The following BRWD1 variants were observed in gnomAD, a reference collection of about 807,000 sequenced individuals.
BRWD1 encodes bromodomain and WD repeat-containing protein 1.
Under a neutral mutation model 251.2 loss-of-function variants are expected in BRWD1, and 82 were observed. The ratio of observed to expected loss-of-function variants is 0.33; its 90% CI spans 0.27 to 0.39. The LOEUF is 0.39. Ranked by LOEUF, BRWD1 falls within the 10% of genes least tolerant of loss-of-function variation. The probability of loss-of-function intolerance (pLI) is 1.00; values close to 1 mark genes in which losing one functional copy is unlikely to be tolerated. For synonymous variants in BRWD1, 918 were observed against 902.8 expected (o/e 1.02, Z -0.30); for missense variants, 2,233 against 2,711.6 (o/e 0.82, Z 3.92).
intron 21 of BRWD1, among the ~76,000 whole-genome samples, chr21:39,246,842 G>A (rs142350539): frequency 0.011 from 1,653 of 152,304 alleles, 23 homozygotes; most frequent in African/African-American, 0.037. Context: ...CAGCACTCTG[G>A]GAGGCCGAGG....
chr21:39,229,450 AT>A lies in BRWD1; in HGVS notation c.3001-15del, dbSNP rs752170615. 10 of 1,593,752 alleles carry A rather than the reference AT, an allele frequency of 6.3e-6. No homozygotes were observed. Among genetic ancestry groups the A allele is most frequent in the Non-Finnish European group, 8.6e-6 (10 of 1,163,984 alleles). ...CAATTCTTGATCCTTTAACAGACAT[AT>A]TTTTTAATGGTTAAAATAAAAGCAA... On this transcript the variant is annotated splice_polypyrimidine_tract_variant and intron_variant, in intron 25 of 40. Transcript: ENST00000342449.
At chr21:39,314,121 C>A, upstream of BRWD1, 2 of 455,986 alleles carry the variant, frequency 4.4e-6, no homozygotes, top group South Asian at 3.1e-5. Context: ...TGCGTCTTGC[C>A]CCGCACGGAA....
At chr21:39,295,489 G>A (rs761478921) in intron 7 of BRWD1, among the ~76,000 whole-genome samples, 7 of 149,154 alleles carry the variant, frequency 4.7e-5, no homozygotes, top group Non-Finnish European at 1.0e-4. Context: ...GCCCGGCCAG[G>A]TATGTCTATT....
chr21:39,211,818 TA>T (rs1212949527), intron 34 of BRWD1, among the ~76,000 whole-genome samples: 1 of 152,208 alleles, frequency 6.6e-6, no homozygotes, highest in Non-Finnish European at 1.5e-5. Context: ...GCACATGGTA[TA>T]AATTAATATT....
chr21:39,253,857 A>G (rs933985958), intron 19 of BRWD1, among the ~76,000 whole-genome samples: 8 of 152,252 alleles, frequency 5.3e-5, no homozygotes, highest in African/African-American at 1.4e-4. Flanking sequence ...TTCCATTTCA[A>G]TAACTCAAAT....
At chr21:39,250,515 A>G (rs1041366250) in intron 20 of BRWD1, among the ~76,000 whole-genome samples, 10 of 151,952 alleles carry the variant, frequency 6.6e-5, no homozygotes, top group South Asian at 2.1e-4. Flanking sequence ...TAAAAAAAAA[A>G]AAGAAGAACC....
intron 12 of BRWD1, among the ~76,000 whole-genome samples, chr21:39,275,961 G>A (rs2035267619): frequency 6.6e-6 from 1 of 152,086 alleles, no homozygotes; most frequent in African/African-American, 2.4e-5. Flanking sequence ...GAACCCAAGA[G>A]GTGGAGGTTG....
chr21:39,312,991 G>T, intron 3 of BRWD1, 81 bp downstream of exon 3: 1 of 1,064,250 alleles, frequency 9.4e-7, no homozygotes, highest in Admixed American at 4.8e-5. Flanking sequence ...CGGGCGGCGG[G>T]CGGGGGGCGC....
rs1253430968 is a variant in BRWD1 at position 39,264,519 on chromosome 21, G to A, written c.1826C>T (p.Pro609Leu). 1.2e-6 allele frequency: 2 copies of A among 1,612,854 alleles called. No homozygotes were observed. The highest frequency in any genetic ancestry group is 1.7e-5 in the Admixed American group (1 of 59,714). The change falls in exon 17 of 41, where the codon CCA (proline) becomes CTA (leucine). Residue 609 changes from proline to leucine, a missense_variant. Pro to Leu is a moderately conservative substitution (Grantham distance 98). This residue lies in a region of BRWD1 where 315 missense variants were observed against 421.8 expected (regional missense o/e 0.75). Transcript: ENST00000342449. ...PHPTKYQRLV[P>L]GRENSADEHL... Reference sequence around the variant, plus strand: ...TTCATCTGCAGAATTTTCTCGGCCTGGTACTAATCTCTGATACTTGGTTGG... The same window carrying A: ...TTCATCTGCAGAATTTTCTCGGCCTAGTACTAATCTCTGATACTTGGTTGG...
chr21:39,203,034 A>C (rs1329874013), intron 37 of BRWD1, among the ~76,000 whole-genome samples: 4 of 152,252 alleles, frequency 2.6e-5, no homozygotes, highest in African/African-American at 9.6e-5. Context: ...AGACCAGACT[A>C]TTTACATCTA....
chr21:39,185,316 A>C (rs1049353424), downstream of BRWD1: 1 of 149,866 alleles, frequency 6.7e-6, no homozygotes, highest in Non-Finnish European at 1.5e-5. Context: ...AAAAAAAAAA[A>C]AAAAAACTTT....
At chr21:39,236,497 C>T (rs1441230219) in intron 23 of BRWD1, 98 bp downstream of exon 23, 2 of 1,131,370 alleles carry the variant, frequency 1.8e-6, no homozygotes, top group Non-Finnish European at 2.5e-6. Context: ...CAAGGCACCA[C>T]TATGCCAGTA....
chr21:39,234,982 G>A (rs1251741845), intron 23 of BRWD1, among the ~76,000 whole-genome samples: 1 of 152,146 alleles, frequency 6.6e-6, no homozygotes, highest in Admixed American at 6.6e-5. Flanking sequence ...CAGGCACAGT[G>A]GGTCACCTGT....
At chr21:39,233,874 A>G (rs1395350207) in intron 23 of BRWD1, among the ~76,000 whole-genome samples, 1 of 151,804 alleles carries the variant, frequency 6.6e-6, no homozygotes, top group Non-Finnish European at 1.5e-5. Flanking sequence ...ACAAAAACTA[A>G]CCGAGCGTGG....
At chr21:39,295,617 C>A (rs975361874) in intron 7 of BRWD1, 126 bp downstream of exon 7, 4 of 652,498 alleles carry the variant, frequency 6.1e-6, no homozygotes, top group Non-Finnish European at 9.5e-6. Flanking sequence ...TTCGTGAGAC[C>A]CACACCATAC....
rs189719720 is a variant in BRWD1, at chr21:39,270,476, G to T, written c.1245-43C>A. ...AACATGTAAACTTATTTAGATGGCT[G>T]GCTATACAATGTATACAATCTCTCA... On this transcript the variant is annotated intron_variant, in intron 13 of 40. Coordinates refer to ENST00000342449, the MANE Select transcript of BRWD1 (RefSeq NM_033656.4). 1.5e-5 allele frequency: 22 copies of T among 1,494,782 alleles called. No individual in the cohort carries two copies. In the Admixed American group the frequency reaches 2.7e-4, roughly 19 times the overall value. The allele number at this position is 1,494,782 out of a possible 1,614,324, so 92.6% of individuals were successfully genotyped here.
intron 29 of BRWD1, among the ~76,000 whole-genome samples, chr21:39,222,410 C>G (rs2033213811): frequency 6.6e-6 from 1 of 152,282 alleles, no homozygotes; most frequent in South Asian, 2.1e-4. Context: ...CCCTGAAAAA[C>G]TGCCTGATTC....
At chr21:39,238,640 C>G (rs951061093) in intron 21 of BRWD1, 67 bp from the exon 22 acceptor site, 2 of 1,038,468 alleles carry the variant, frequency 1.9e-6, no homozygotes, top group Non-Finnish European at 3.0e-6. Context: ...CAGAAAAAAG[C>G]TGTACACAAT....
chr21:39,310,710 G>A (rs778676903), intron 4 of BRWD1, among the ~76,000 whole-genome samples: 2 of 152,070 alleles, frequency 1.3e-5, no homozygotes, highest in East Asian at 1.9e-4. Flanking sequence ...TGCGTTTCGA[G>A]ACAGGGTCTC....
Sources: gnomAD v4.1 joint callset for allele counts (sites outside exome capture counted in the v4.1 genomes callset) on GRCh38, gnomAD v4.1.1 for gene constraint, gnomAD v4.1.1 regional missense constraint, MANE v1.5 for transcripts, NCBI Gene and HGNC (gene_info 2026-07-23, HGNC 2026-07-21) for gene names.